Variants in OLFM2 observed in about 807,000 individuals in gnomAD.
OLFM2 encodes the protein olfactomedin 2, also known as noelin-2.
In OLFM2, 20 loss-of-function variants were observed where a neutral mutation model predicts 43.9. The observed-to-expected ratio is 0.46, with a 90% CI of 0.32 to 0.66. The LOEUF (loss-of-function observed/expected upper bound fraction) is 0.66, where lower values mean the gene tolerates loss of function less well. OLFM2 is among the 30% of genes least tolerant of loss of function. OLFM2 has a pLI of 0.04. For missense variants in OLFM2, 416 were observed against 643.6 expected (o/e 0.65, Z 3.83); for synonymous variants, 268 against 278.6 (o/e 0.96, Z 0.38).
At chr19:9,905,061 G>A (rs6511240) in intron 1 of OLFM2, among the ~76,000 whole-genome samples, 68,701 of 151,452 alleles carry the variant, frequency 0.45, 15,812 homozygotes, top group Admixed American at 0.57. Flanking sequence ...GTAGCTCATG[G>A]CTGTAATCCC....
At chr19:9,918,321 G>A (rs553224521) in intron 1 of OLFM2, among the ~76,000 whole-genome samples, 2 of 152,172 alleles carry the variant, frequency 1.3e-5, no homozygotes, top group African/African-American at 4.8e-5. Context: ...CTCCTGAATA[G>A]GTGAGACTAC....
chr19:9,857,481 T>C lies in OLFM2; in HGVS notation c.362A>G (p.Glu121Gly). 1.2e-6 allele frequency: 2 copies of C among 1,613,410 alleles called. No homozygotes were observed. Among genetic ancestry groups the C allele is most frequent in the Non-Finnish European group, 1.7e-6 (2 of 1,179,966 alleles). ...DGSLSAKSFQ[E>G]LKDRMTELLP... is the part of the protein sequence containing the mutation. Reference sequence around the variant, plus strand: ...CAGTTCCGTCATCCTGTCCTTCAGCTCCTGTGCATCAAGATGGAACCATGG... The same window carrying C: ...CAGTTCCGTCATCCTGTCCTTCAGCCCCTGTGCATCAAGATGGAACCATGG... Residue 121 changes from glutamate to glycine, a missense_variant and splice_region_variant, in exon 4 of 6, where the codon GAG becomes GGG. Coordinates refer to ENST00000264833, the MANE Select transcript of OLFM2 (RefSeq NM_058164.4). The surrounding 1 kb of genome is among the most constrained non-coding windows in gnomAD (Gnocchi z 5.7).
chr19:9,906,594 G>A (rs528149222), intron 1 of OLFM2, among the ~76,000 whole-genome samples: 11 of 152,192 alleles, frequency 7.2e-5, no homozygotes, highest in Admixed American at 7.2e-4. Context: ...TTAGGCAAGG[G>A]GAGATGCGGA....
intron 1 of OLFM2, among the ~76,000 whole-genome samples, chr19:9,865,556 ATC>A (rs2046395811): frequency 8.7e-6 from 1 of 114,454 alleles, no homozygotes; most frequent in African/African-American, 3.5e-5. Context: ...CAATGGCGGG[ATC>A]TCGGCTCACT....
chr19:9,936,483 C>G lies in OLFM2; in HGVS notation c.-117G>C. On this transcript the variant is annotated 5_prime_UTR_variant, in exon 1 of 6. Transcript: ENST00000264833. ...CCGGGGCGACCCTGCGCCGCCGCCT[C>G]CCCCGCCTCGCCGGCGGCCGGGATT... The G allele has an allele frequency of 1.4e-6, 1 of 725,560 alleles. No individual in the cohort carries two copies. Among genetic ancestry groups the G allele is most frequent in the Admixed American group, 6.3e-5 (1 of 15,944 alleles). The allele number at this position is 725,560 out of a possible 1,614,324, so 44.9% of individuals were successfully genotyped here.
intron 1 of OLFM2, among the ~76,000 whole-genome samples, chr19:9,900,664 G>C (rs2046723757): frequency 6.6e-6 from 1 of 151,710 alleles, no homozygotes; most frequent in Admixed American, 6.6e-5. Context: ...GCTGAGGCAG[G>C]AGGGTCGCTT....
chr19:9,874,108 C>CATTACT (rs1235884597), intron 1 of OLFM2, among the ~76,000 whole-genome samples: 1 of 152,100 alleles, frequency 6.6e-6, no homozygotes, highest in East Asian at 1.9e-4. Context: ...TCCGTGCATC[C>CATTACT]ATTACTATTA....
At position 9,854,638 on chromosome 19, in the gene OLFM2, G is replaced by C; in HGVS notation, c.913C>G (p.Pro305Ala). 2 of 1,614,170 alleles carry C rather than the reference G, an allele frequency of 1.2e-6. No homozygotes were observed. The highest frequency in any genetic ancestry group is 1.7e-6 in the Non-Finnish European group (2 of 1,180,010). The change falls in exon 6 of 6, where the codon CCG becomes GCG. Residue 305 changes from proline (P) to alanine (A), a missense_variant. By Grantham distance (27) the Pro-to-Ala change is conservative. Coordinates refer to ENST00000264833, the MANE Select transcript of OLFM2 (RefSeq NM_058164.4). This position sits in a 1 kb window ranked among gnomAD's most constrained non-coding sequence, Gnocchi z 9.5. ...AAGGTGTTGTTGTAACCGGCGCCCG[G>C]GAGGCTCCTCTGCACCAGCACAGAG... ...SRSVLVQRSL[P>A]GAGYNNTFPY... is the part of the protein sequence containing the mutation.
chr19:9,920,148 A>G (rs1237344585), intron 1 of OLFM2, among the ~76,000 whole-genome samples: 1 of 151,984 alleles, frequency 6.6e-6, no homozygotes, highest in Non-Finnish European at 1.5e-5. Context: ...GCATGGTGGC[A>G]TGTCCCTGTA....
chr19:9,913,538 G>T, intron 1 of OLFM2: 1 of 1,221,500 alleles, frequency 8.2e-7, no homozygotes, highest in Non-Finnish European at 1.0e-6. Flanking sequence ...CACGAGCGAG[G>T]GCAGCGTCTG....
At chr19:9,935,606 G>A (rs1012166338) in intron 1 of OLFM2, among the ~76,000 whole-genome samples, 1 of 152,086 alleles carries the variant, frequency 6.6e-6, no homozygotes, top group African/African-American at 2.4e-5. Context: ...CTCACTCCAA[G>A]GCTCTCACAC....
chr19:9,936,356 A>G lies in OLFM2; in HGVS notation c.11T>C (p.Leu4Pro), dbSNP rs1217039668. ...CAGCAGCAGCGGCGGCGGGACCGTG[A>G]GCGGCCACATGACGCGCCCCTAGCC... MWP[L>P]TVPPPLLLLL... The change falls in exon 1 of 6, where the codon CTC becomes CCC. Residue 4 changes from leucine (L) to proline (P), a missense_variant. Physicochemically the swap from Leu to Pro is moderately conservative, Grantham distance 98. Transcript: ENST00000264833. 1.8e-5 allele frequency: 27 copies of G among 1,498,774 alleles called. No homozygotes were observed. Among genetic ancestry groups the G allele is most frequent in the Non-Finnish European group, 2.3e-5 (26 of 1,131,034 alleles). The allele number at this position is 1,498,774 out of a possible 1,614,324, so 92.8% of individuals were successfully genotyped here. A position where few individuals can be genotyped will look rare whatever the true frequency, so the allele number is the denominator to read the frequency against.
chr19:9,876,349 A>C (rs1308130658), intron 1 of OLFM2, among the ~76,000 whole-genome samples: 1 of 152,188 alleles, frequency 6.6e-6, no homozygotes, highest in Non-Finnish European at 1.5e-5. Context: ...GGACACCCCT[A>C]TACAAAATGG....
At chr19:9,909,377 C>T (rs1053802432) in intron 1 of OLFM2, among the ~76,000 whole-genome samples, 2 of 152,114 alleles carry the variant, frequency 1.3e-5, no homozygotes, top group African/African-American at 4.8e-5. Flanking sequence ...ATTTATGATC[C>T]CCAGGTGAGA....
intron 1 of OLFM2, among the ~76,000 whole-genome samples, chr19:9,920,741 C>CAAAAAAAAAAAAAAAA (rs557455889): frequency 1.6e-5 from 2 of 126,632 alleles, no homozygotes; most frequent in African/African-American, 2.8e-5. Context: ...ACTAAACATA[C>CAAAAAAAAAAAAAAAA]AAAAAAAAAA....
At chr19:9,866,241 A>AAT (rs2046401646) in intron 1 of OLFM2, among the ~76,000 whole-genome samples, 1 of 152,144 alleles carries the variant, frequency 6.6e-6, no homozygotes, top group Non-Finnish European at 1.5e-5. Context: ...ATATGCAGTT[A>AAT]ATGCATGTCC....
chr19:9,878,111 A>G (rs1239764923), intron 1 of OLFM2, among the ~76,000 whole-genome samples: 1 of 152,104 alleles, frequency 6.6e-6, no homozygotes, highest in Non-Finnish European at 1.5e-5. Context: ...TTGGCTGCCT[A>G]GGTGCTCGGA....
chr19:9,891,343 G>T (rs984523101), intron 1 of OLFM2, among the ~76,000 whole-genome samples: 1 of 149,082 alleles, frequency 6.7e-6, no homozygotes, highest in Non-Finnish European at 1.5e-5. Flanking sequence ...TGCATGCTGG[G>T]GCCAGGCACA....
rs188722449 is a variant in OLFM2, at chr19:9,906,201, G to A, written c.63+30103C>T. Among the ~76,000 whole-genome samples the A allele has an allele frequency of 3.2e-3, 485 of 152,220 alleles. 4 individuals are homozygous for A. Among genetic ancestry groups the A allele is most frequent in the Admixed American group, 7.2e-3 (110 of 15,278 alleles). On this transcript the variant is annotated intron_variant, in intron 1 of 5. Transcript: ENST00000264833. ...CCAGATGGATTGATGGGGCGGCGGGGAGAAGGCTGTTATAAATTAAACATC... is the reference window on the plus strand; with the variant it reads ...CCAGATGGATTGATGGGGCGGCGGGAAGAAGGCTGTTATAAATTAAACATC...
Sources: gnomAD v4.1 joint callset for allele counts (sites outside exome capture counted in the v4.1 genomes callset) on GRCh38, gnomAD v4.1.1 for gene constraint, Gnocchi (gnomAD v3.1) non-coding constraint, MANE v1.5 for transcripts, NCBI Gene and HGNC (gene_info 2026-07-23, HGNC 2026-07-21) for gene names.